Variants in ABCA13 observed in about 807,000 individuals in gnomAD.
ABCA13 encodes the protein ATP-binding cassette sub-family A member 13.
A neutral mutation model predicts 478.7 loss-of-function variants in ABCA13; 476 were observed. The observed-to-expected ratio is 0.99, with a 90% CI of 0.92 to 1.07. ABCA13 has a LOEUF of 1.07. Among genes scored for constraint, ABCA13 ranks in the 50% least tolerant of loss-of-function variants. ABCA13 has a pLI of 0.00. For missense variants in ABCA13, 6,060 were observed against 5,910.6 expected, an observed-to-expected ratio of 1.03 and a Z score of -0.83; for synonymous variants, 2,252 against 2,158.9, an observed-to-expected ratio of 1.04 and a Z score of -1.20.
At chr7:48,621,975 A>T (rs1318151906) in intron 59 of ABCA13, among the ~76,000 whole-genome samples, 1 of 152,200 alleles carries the variant, frequency 6.6e-6, no homozygotes, top group East Asian at 1.9e-4. Flanking sequence ...GACAGACAGC[A>T]TCTAGAGTAT....
At position 48,413,885 on chromosome 7, in the gene ABCA13, T is replaced by C. The variant is rs138905805; in HGVS notation, c.12459+1302T>C. ...AAGGTTGAGTAAGCTGAGGCTCACA[T>C]AGGCCAATTTCTTTACCCCAAATCA... On this transcript the variant is annotated intron_variant, in intron 41 of 61. Transcript: ENST00000435803. Among the ~76,000 whole-genome samples, 42 of 152,356 alleles carry C rather than the reference T, an allele frequency of 2.8e-4. 1 individual carries two copies. The highest frequency in any genetic ancestry group is 9.1e-4 in the African/African-American group (38 of 41,582).
chr7:48,512,419 A>G (rs987917572), intron 51 of ABCA13, among the ~76,000 whole-genome samples: 3 of 152,198 alleles, frequency 2.0e-5, no homozygotes, highest in African/African-American at 4.8e-5. Flanking sequence ...ATCCTGAGCT[A>G]TAAAACATGC....
intron 55 of ABCA13, among the ~76,000 whole-genome samples, chr7:48,553,219 G>A (rs1246600871): frequency 6.6e-6 from 1 of 152,068 alleles, no homozygotes; most frequent in Non-Finnish European, 1.5e-5. Context: ...TCTGCTGATG[G>A]ACACTTAGGT....
At chr7:48,390,799 C>T (rs1815933845) in intron 37 of ABCA13, among the ~76,000 whole-genome samples, 2 of 152,146 alleles carry the variant, frequency 1.3e-5, no homozygotes, top group South Asian at 4.1e-4. Context: ...GTGGTATCCA[C>T]CATATGGAGG....
intron 38 of ABCA13, among the ~76,000 whole-genome samples, 193 bp from the exon 39 acceptor site, chr7:48,403,490 G>A (rs1272744442): frequency 6.6e-6 from 1 of 152,234 alleles, no homozygotes; most frequent in Non-Finnish European, 1.5e-5. Flanking sequence ...GTCCCTTGGC[G>A]TGGTTCCATC....
At chr7:48,376,156 C>T (rs916710094) in intron 34 of ABCA13, among the ~76,000 whole-genome samples, 11 of 152,160 alleles carry the variant, frequency 7.2e-5, no homozygotes, top group Middle Eastern at 3.4e-3. Flanking sequence ...GTCCTTTCTA[C>T]TCAGGTAAAT....
At chr7:48,498,094 G>A (rs1234738262) in intron 48 of ABCA13, among the ~76,000 whole-genome samples, 3 of 152,136 alleles carry the variant, frequency 2.0e-5, no homozygotes, top group African/African-American at 4.8e-5. Context: ...ACCAGGTGGG[G>A]ATGGAGTCTC....
chr7:48,241,394 A>G (rs966215197), intron 10 of ABCA13, among the ~76,000 whole-genome samples: 4 of 152,250 alleles, frequency 2.6e-5, no homozygotes, highest in Non-Finnish European at 5.9e-5. Context: ...TTTTATGTAC[A>G]GAACTACCTT....
chr7:48,195,446 C>G (rs1797799983), intron 2 of ABCA13, among the ~76,000 whole-genome samples: 1 of 152,046 alleles, frequency 6.6e-6, no homozygotes, highest in South Asian at 2.1e-4. Flanking sequence ...AGGGCAGATT[C>G]AACAGACATG....
intron 56 of ABCA13, 69 bp from the exon 57 acceptor site, chr7:48,587,085 A>G (rs1207910258): frequency 1.3e-6 from 2 of 1,595,994 alleles, no homozygotes; most frequent in Non-Finnish European, 1.7e-6. Context: ...AGGAATGAGG[A>G]CTGAGACCAG....
chr7:48,239,730 T>C (rs2129011440), intron 9 of ABCA13, among the ~76,000 whole-genome samples: 2 of 152,352 alleles, frequency 1.3e-5, no homozygotes, highest in Middle Eastern at 6.8e-3. Flanking sequence ...GACCAGCTCT[T>C]TGGACATTTG....
intron 61 of ABCA13, among the ~76,000 whole-genome samples, chr7:48,645,059 G>A (rs919838629): frequency 1.3e-5 from 2 of 152,106 alleles, no homozygotes; most frequent in Non-Finnish European, 2.9e-5. Context: ...AGACTTTTCG[G>A]GGGGGCTTCA....
chr7:48,388,587 G>A (rs2129052321), intron 36 of ABCA13, among the ~76,000 whole-genome samples: 1 of 152,324 alleles, frequency 6.6e-6, no homozygotes, highest in Middle Eastern at 3.4e-3. Flanking sequence ...TCCCATCGTG[G>A]TGGGTTTAGA....
intron 23 of ABCA13, among the ~76,000 whole-genome samples, chr7:48,306,523 G>C (rs971568736): frequency 6.6e-6 from 1 of 152,154 alleles, no homozygotes; most frequent in Non-Finnish European, 1.5e-5. Context: ...GGCTCCTCTT[G>C]TGAAAGCAAA....
chr7:48,584,927 G>T (rs978246595), intron 56 of ABCA13, among the ~76,000 whole-genome samples: 9 of 152,036 alleles, frequency 5.9e-5, no homozygotes, highest in African/African-American at 1.9e-4. Flanking sequence ...TTTCTAACAG[G>T]GTCTATCATG....
At chr7:48,505,041 T>C (rs988798558) in intron 48 of ABCA13, among the ~76,000 whole-genome samples, 1 of 152,166 alleles carries the variant, frequency 6.6e-6, no homozygotes, top group African/African-American at 2.4e-5. Flanking sequence ...CAGGAAGCGA[T>C]GCAGCAGGTG....
chr7:48,340,325 C>G (rs943836936), intron 29 of ABCA13, among the ~76,000 whole-genome samples: 3 of 152,054 alleles, frequency 2.0e-5, no homozygotes, highest in Admixed American at 6.6e-5. Flanking sequence ...CAGGTTGGCT[C>G]GAACTCCTGA....
chr7:48,316,190 C>T (rs1457479907), intron 26 of ABCA13, among the ~76,000 whole-genome samples: 3 of 151,928 alleles, frequency 2.0e-5, no homozygotes, highest in Non-Finnish European at 2.9e-5. Context: ...TGAGAGCCAC[C>T]AAGAGGGATT....
At chr7:48,281,614 C>A (rs1219961492) in intron 19 of ABCA13, among the ~76,000 whole-genome samples, 162 bp downstream of exon 19, 1 of 152,198 alleles carries the variant, frequency 6.6e-6, no homozygotes, top group Non-Finnish European at 1.5e-5. Flanking sequence ...CTCCCAACCT[C>A]ATTCCCACCA....
Sources: allele counts gnomAD v4.1 joint callset (sites outside exome capture counted in the v4.1 genomes callset), GRCh38; gene constraint gnomAD v4.1.1; transcripts MANE v1.5; gene names NCBI Gene and HGNC (gene_info 2026-07-23, HGNC 2026-07-21).